Variants in PTPRN2 observed in about 807,000 individuals in gnomAD.
The protein encoded by PTPRN2 is protein tyrosine phosphatase receptor type N2.
A neutral mutation model predicts 118.8 loss-of-function variants in PTPRN2; 74 were observed. The ratio of observed to expected loss-of-function variants is 0.62; its 90% confidence interval spans 0.52 to 0.76. The LOEUF (loss-of-function observed/expected upper bound fraction) is 0.76. PTPRN2 is among the 30% of genes least tolerant of loss of function. PTPRN2 has a pLI of 0.00. For missense variants in PTPRN2, 1,481 were observed against 1,394.4 expected, an observed-to-expected ratio of 1.06 and a Z score of -0.99; for synonymous variants, 641 against 608.0, an observed-to-expected ratio of 1.05 and a Z score of -0.80.
intron 12 of PTPRN2, among the ~76,000 whole-genome samples, chr7:157,754,010 G>A (rs778735955): frequency 2.0e-5 from 3 of 152,360 alleles, no homozygotes; most frequent in Non-Finnish European, 2.9e-5. Flanking sequence ...CTGGTTCCCC[G>A]CTCCCCTATC....
intron 2 of PTPRN2, among the ~76,000 whole-genome samples, chr7:158,479,846 C>T (rs764700182): frequency 6.6e-6 from 1 of 152,218 alleles, no homozygotes; most frequent in Non-Finnish European, 1.5e-5. Flanking sequence ...CGGGCGCAAG[C>T]CAGCTCTGCG....
intron 2 of PTPRN2, among the ~76,000 whole-genome samples, chr7:158,440,885 TGAA>T (rs1563294912): frequency 9.0e-5 from 13 of 144,504 alleles, no homozygotes; most frequent in Admixed American, 2.7e-4. Flanking sequence ...GTGGTGGTGG[TGAA>T]GGTGGTGGTG....
At chr7:157,767,961 A>G (rs1457075537) in intron 12 of PTPRN2, among the ~76,000 whole-genome samples, 1 of 152,222 alleles carries the variant, frequency 6.6e-6, no homozygotes, top group African/African-American at 2.4e-5. Context: ...CAGTCATGGG[A>G]CGCTTCCATA....
intron 3 of PTPRN2, among the ~76,000 whole-genome samples, chr7:158,224,094 G>C (rs1162082035): frequency 1.3e-5 from 2 of 152,138 alleles, no homozygotes; most frequent in African/African-American, 4.8e-5. Context: ...AAACAATGGT[G>C]ATGAAAGAAA....
At chr7:158,326,085 C>G (rs909639355) in intron 2 of PTPRN2, among the ~76,000 whole-genome samples, 1 of 152,184 alleles carries the variant, frequency 6.6e-6, no homozygotes, top group African/African-American at 2.4e-5. Flanking sequence ...CATCCAGGGC[C>G]CCACAGGCCA....
chr7:158,405,207 C>T (rs906840392), intron 2 of PTPRN2, among the ~76,000 whole-genome samples: 1 of 152,156 alleles, frequency 6.6e-6, no homozygotes, highest in Non-Finnish European at 1.5e-5. Flanking sequence ...CACATCCTCC[C>T]GGGGTGCCTG....
chr7:157,731,628 C>A (rs542834540), intron 12 of PTPRN2, among the ~76,000 whole-genome samples: 3 of 54,426 alleles, frequency 5.5e-5, no homozygotes, highest in African/African-American at 3.7e-4. Context: ...CCGTCCCACG[C>A]GCCCAGCACA....
rs2150600824 is a variant in PTPRN2, at chr7:157,611,788, A to G, written c.2345-7713T>C. Among the ~76,000 whole-genome samples the G allele has an allele frequency of 6.7e-6, 1 of 148,340 alleles. No homozygotes were observed. The highest frequency in any genetic ancestry group is 2.2e-4 in the South Asian group (1 of 4,476). ...GAAGACAGCCGCAGTCATGCTGGGG[A>G]CACGCGGAGGGAGAGCGCCCGTGTG... On this transcript the variant is annotated intron_variant, in intron 15 of 22. Transcript: ENST00000389418. The surrounding 1 kb of genome is among the most constrained non-coding windows in gnomAD (Gnocchi z 5.9).
chr7:157,791,174 C>T (rs1804466503), intron 12 of PTPRN2, among the ~76,000 whole-genome samples: 1 of 152,214 alleles, frequency 6.6e-6, no homozygotes, highest in Non-Finnish European at 1.5e-5. Flanking sequence ...GGCAAACAAG[C>T]TCTCGCGGAG....
Position 157,617,120 on chromosome 7 carries a change from G to A in PTPRN2, c.2344+4242C>T, listed in dbSNP as rs1362713165. 2.0e-5 allele frequency: 3 copies of A among 152,336 alleles called. No individual in the cohort carries two copies. Among genetic ancestry groups the A allele is most frequent in the Non-Finnish European group, 4.4e-5 (3 of 68,104 alleles). The allele number at this position is 152,336 out of a possible 1,614,324, so 9.4% of individuals were successfully genotyped here. On this transcript the variant is annotated intron_variant, in intron 15 of 22. Coordinates refer to ENST00000389418, the MANE Select transcript of PTPRN2 (RefSeq NM_002847.5). The surrounding 1 kb of genome is among the most constrained non-coding windows in gnomAD (Gnocchi z 7.5). ...CCAAAGTTCTTGTCGGCCAAGTGGGGGGGTTTCTTGTGAGGACCAGAGGTG... is the reference window on the plus strand; with the variant it reads ...CCAAAGTTCTTGTCGGCCAAGTGGGAGGGTTTCTTGTGAGGACCAGAGGTG...
chr7:158,253,969 C>A (rs112079665), intron 3 of PTPRN2, among the ~76,000 whole-genome samples: 6 of 36,184 alleles, frequency 1.7e-4, no homozygotes, highest in African/African-American at 9.1e-4. Flanking sequence ...AGAGCCACTG[C>A]CCACGGCACG....
intron 11 of PTPRN2, among the ~76,000 whole-genome samples, chr7:157,969,053 T>C (rs1449349557): frequency 6.6e-6 from 1 of 152,182 alleles, no homozygotes; most frequent in Non-Finnish European, 1.5e-5. Context: ...ATTATGAGAG[T>C]CTGTACTGCA....
intron 9 of PTPRN2, among the ~76,000 whole-genome samples, chr7:158,118,137 T>C (rs1816876211): frequency 6.6e-6 from 1 of 152,198 alleles, no homozygotes; most frequent in Non-Finnish European, 1.5e-5. Flanking sequence ...ATAACTTTGG[T>C]TTGTAACTCC....
intron 2 of PTPRN2, among the ~76,000 whole-genome samples, chr7:158,361,591 A>G (rs1563200800): frequency 6.6e-6 from 1 of 152,194 alleles, no homozygotes; most frequent in Non-Finnish European, 1.5e-5. Flanking sequence ...AGCCCTCCAG[A>G]GAGAGCTGAG....
rs142739676 is a variant in PTPRN2, at chr7:158,121,711, C to T, written c.1557-10796G>A. 2.2e-3 allele frequency among the ~76,000 whole-genome samples: 329 copies of T among 152,308 alleles called. 2 individuals carry two copies. The highest frequency in any genetic ancestry group is 7.5e-3 in the African/African-American group (312 of 41,576). Reference sequence around the variant, plus strand: ...ACACCCTGAACACAACAAGGAAGTCCACAAGCCCAGAATGTGTTTGTGAAC... The same window carrying T: ...ACACCCTGAACACAACAAGGAAGTCTACAAGCCCAGAATGTGTTTGTGAAC... On this transcript the variant is annotated intron_variant, in intron 9 of 22. Coordinates refer to ENST00000389418, the MANE Select transcript of PTPRN2 (RefSeq NM_002847.5).
intron 1 of PTPRN2, among the ~76,000 whole-genome samples, chr7:158,581,854 C>T (rs924951617): frequency 6.6e-6 from 1 of 152,190 alleles, no homozygotes; most frequent in Non-Finnish European, 1.5e-5. Context: ...CTCGGTAGTC[C>T]GAGGTCCAGT....
chr7:157,911,136 C>T (rs1798081349), intron 11 of PTPRN2, among the ~76,000 whole-genome samples: 2 of 152,172 alleles, frequency 1.3e-5, no homozygotes, highest in South Asian at 2.1e-4. Flanking sequence ...CCATGAAGAT[C>T]GGTCTCCGTG....
intron 11 of PTPRN2, among the ~76,000 whole-genome samples, chr7:157,989,773 G>A (rs923018590): frequency 5.3e-5 from 8 of 152,116 alleles, no homozygotes; most frequent in African/African-American, 1.9e-4. Flanking sequence ...ATGGGAAACC[G>A]GGGCTCAGGT....
At chr7:157,842,410 CTT>C (rs11316558) in intron 12 of PTPRN2, among the ~76,000 whole-genome samples, 2,406 of 93,088 alleles carry the variant, frequency 0.026, 20 homozygotes, top group African/African-American at 0.066. Context: ...ATTCAGGAGA[CTT>C]TTTTTTTTTT....
Sources: allele counts gnomAD v4.1 joint callset (sites outside exome capture counted in the v4.1 genomes callset), GRCh38; gene constraint gnomAD v4.1.1; non-coding constraint Gnocchi (gnomAD v3.1); transcripts MANE v1.5; gene names NCBI Gene and HGNC (gene_info 2026-07-23, HGNC 2026-07-21).